The following PPP1R12A variants were observed in gnomAD, a reference collection of about 807,000 sequenced individuals.
The protein encoded by PPP1R12A is myosin binding subunit.
A neutral mutation model predicts 139.6 loss-of-function variants in PPP1R12A; 19 were observed. That is an observed-to-expected ratio of 0.14 (90% CI 0.09 to 0.20). PPP1R12A has a LOEUF of 0.20. Among genes scored for constraint, PPP1R12A ranks in the 10% least tolerant of loss-of-function variants. PPP1R12A has a pLI of 1.00. For synonymous variants in PPP1R12A, 427 were observed against 420.6 expected, an observed-to-expected ratio of 1.02 and a Z score of -0.19; for missense variants, 925 against 1,211.5, an observed-to-expected ratio of 0.76 and a Z score of 3.51.
upstream of PPP1R12A, chr12:79,935,161 C>T (rs1888574182): frequency 6.0e-6 from 8 of 1,339,588 alleles, no homozygotes; most frequent in Non-Finnish European, 7.6e-6. Flanking sequence ...GCCCCCAGCA[C>T]GGCCACCCGT....
chr12:79,913,867 G>C (rs951554300), intron 1 of PPP1R12A: 1 of 152,106 alleles, frequency 6.6e-6, no homozygotes, highest in African/African-American at 2.4e-5. Context: ...GCCCCTTACA[G>C]AAGTCTACAA....
chr12:79,914,481 C>G (rs1349769533), intron 1 of PPP1R12A, among the ~76,000 whole-genome samples: 1 of 151,974 alleles, frequency 6.6e-6, no homozygotes, highest in Non-Finnish European at 1.5e-5. Flanking sequence ...CTGATAACTG[C>G]TGATTTAAAA....
chr12:79,911,822 C>T (rs1176678846), intron 1 of PPP1R12A, among the ~76,000 whole-genome samples: 2 of 152,204 alleles, frequency 1.3e-5, no homozygotes, highest in Admixed American at 6.5e-5. Context: ...CTCCTCTCCA[C>T]CTCCGATTCC....
intron 1 of PPP1R12A, among the ~76,000 whole-genome samples, chr12:79,903,493 T>C (rs960757579): frequency 6.6e-6 from 1 of 152,034 alleles, no homozygotes; most frequent in African/African-American, 2.4e-5. Flanking sequence ...AGGCTATGTG[T>C]ATGAGGTACA....
intron 2 of PPP1R12A, among the ~76,000 whole-genome samples, chr12:79,871,038 C>T (rs1007021617): frequency 1.2e-4 from 18 of 151,930 alleles, no homozygotes; most frequent in Admixed American, 1.2e-3. Context: ...AAACACAATT[C>T]TAGAGTTGTG....
chr12:79,917,261 T>C, intron 1 of PPP1R12A, among the ~76,000 whole-genome samples: 1 of 151,488 alleles, frequency 6.6e-6, no homozygotes, highest in African/African-American at 2.4e-5. Flanking sequence ...CCGAGGCGGG[T>C]GGATCACGAG....
intron 14 of PPP1R12A, among the ~76,000 whole-genome samples, chr12:79,802,560 A>G (rs1873316703): frequency 1.3e-5 from 2 of 152,162 alleles, no homozygotes; most frequent in Non-Finnish European, 2.9e-5. Flanking sequence ...AGGTGGGAAG[A>G]CTGCTTGTGG....
chr12:79,865,446 A>G lies in PPP1R12A; in HGVS notation c.368+7362T>C, dbSNP rs374659264. On this transcript the variant is annotated intron_variant, in intron 2 of 24. Coordinates refer to ENST00000450142, the MANE Select transcript of PPP1R12A (RefSeq NM_002480.3). ...CCCTCTCTCGTCACTCCTTTTCAAC[A>G]TAGTATTGGAAGTTCTGGCCAGGGC... 2.2e-4 allele frequency among the ~76,000 whole-genome samples: 33 copies of G among 152,332 alleles called. No individual in the cohort carries two copies. In the South Asian group the frequency reaches 3.1e-3, roughly 14 times the overall value.
In PPP1R12A at chr12:79,789,667, C is replaced by T. The variant is rs530574930; in HGVS notation, c.2666+800G>A. Reference sequence around the variant, plus strand: ...ATCATCAGTAGACAGAAATTTATTACTGGTCTTACAGGGCTGTGGTTAACA... The same window carrying T: ...ATCATCAGTAGACAGAAATTTATTATTGGTCTTACAGGGCTGTGGTTAACA... On this transcript the variant is annotated intron_variant, in intron 20 of 24. Transcript: ENST00000450142. The T allele has an allele frequency of 1.8e-5, 8 of 453,892 alleles. No homozygotes were observed. In the East Asian group the frequency reaches 4.2e-4, roughly 24 times the overall value. 28.1% of individuals were successfully genotyped at this position (453,892 alleles called of 1,614,324 possible).
chr12:79,887,807 A>C (rs953493856), intron 1 of PPP1R12A, among the ~76,000 whole-genome samples: 2 of 152,192 alleles, frequency 1.3e-5, no homozygotes, highest in African/African-American at 2.4e-5. Flanking sequence ...ATAATATGAC[A>C]CAATTCTTGC....
At chr12:79,856,894 T>G (rs1880722710) in intron 2 of PPP1R12A, among the ~76,000 whole-genome samples, 1 of 152,202 alleles carries the variant, frequency 6.6e-6, no homozygotes, top group South Asian at 2.1e-4. Context: ...GCAGCAATGT[T>G]TAGGCATATG....
At chr12:79,850,831 C>T (rs557088157) in intron 2 of PPP1R12A, among the ~76,000 whole-genome samples, 5 of 152,222 alleles carry the variant, frequency 3.3e-5, no homozygotes, top group Middle Eastern at 3.4e-3. Context: ...TCCCTCTTTG[C>T]TCTCTTTCTC....
intron 1 of PPP1R12A, among the ~76,000 whole-genome samples, chr12:79,906,587 GTTTA>G (rs1188566266): frequency 6.6e-6 from 1 of 151,352 alleles, no homozygotes; most frequent in Non-Finnish European, 1.5e-5. Flanking sequence ...CAAAGTGCTG[GTTTA>G]TTTATTCATT....
At position 79,788,757 on chromosome 12, in the gene PPP1R12A, C is replaced by T. The variant is rs960411735; in HGVS notation, c.2693G>A (p.Gly898Asp). The T allele has an allele frequency of 3.7e-6, 6 of 1,610,956 alleles. No individual in the cohort carries two copies. The African/African-American group carries it at 8.0e-5, about 22-fold the overall frequency. The change falls in exon 21 of 25, where the codon GGT (glycine) becomes GAT (aspartate). Residue 898 changes from glycine to aspartate, a missense_variant. Physicochemically the swap from Gly to Asp is moderately conservative, Grantham distance 94. Coordinates refer to ENST00000450142, the MANE Select transcript of PPP1R12A (RefSeq NM_002480.3). ...SRYETSSTSA[G>D]DRYDSLLGRS... is the part of the protein sequence containing the mutation. Reference sequence around the variant, plus strand: ...ACCCAGCAAGGAATCATATCGATCACCAGCTGATGTAGAACTGGTTTCATA... The same window carrying T: ...ACCCAGCAAGGAATCATATCGATCATCAGCTGATGTAGAACTGGTTTCATA...
At chr12:79,866,524 A>C (rs1881979234) in intron 2 of PPP1R12A, among the ~76,000 whole-genome samples, 1 of 152,260 alleles carries the variant, frequency 6.6e-6, no homozygotes, top group Non-Finnish European at 1.5e-5. Context: ...CTATCATCAG[A>C]GTAAACAGAC....
chr12:79,790,658 A>T (rs1871728090), intron 19 of PPP1R12A, among the ~76,000 whole-genome samples, 175 bp from the exon 20 acceptor site: 1 of 152,176 alleles, frequency 6.6e-6, no homozygotes, highest in Non-Finnish European at 1.5e-5. Flanking sequence ...CTTTCTCGAA[A>T]TCTAGCTATA....
intron 2 of PPP1R12A, among the ~76,000 whole-genome samples, chr12:79,853,273 G>A (rs910609532): frequency 5.3e-5 from 8 of 152,016 alleles, no homozygotes; most frequent in Admixed American, 5.2e-4. Context: ...CGCTTTCTTT[G>A]TCTGTGGCCA....
intron 9 of PPP1R12A, among the ~76,000 whole-genome samples, chr12:79,814,382 C>A (rs1055354267): frequency 8.3e-5 from 12 of 144,556 alleles, no homozygotes; most frequent in African/African-American, 3.1e-4. Context: ...GAGGCTGAGG[C>A]AGGAGAATGG....
chr12:79,852,609 T>C (rs914584516), intron 2 of PPP1R12A, among the ~76,000 whole-genome samples: 5 of 152,142 alleles, frequency 3.3e-5, no homozygotes, highest in Admixed American at 6.6e-5. Flanking sequence ...ATGAAGATAG[T>C]GAGGTGCCAT....
Sources: gnomAD v4.1 joint callset for allele counts (sites outside exome capture counted in the v4.1 genomes callset) on GRCh38, gnomAD v4.1.1 for gene constraint, MANE v1.5 for transcripts, NCBI Gene and HGNC (gene_info 2026-07-23, HGNC 2026-07-21) for gene names.